POLR3A: variants seen among roughly 807,000 people sequenced by gnomAD.
POLR3A encodes DNA-directed RNA polymerase III subunit RPC1.
In POLR3A, 112 loss-of-function variants were observed where a neutral mutation model predicts 152.8. The observed-to-expected ratio is 0.73, with a 90% confidence interval of 0.63 to 0.86. The LOEUF is 0.86. Among genes scored for constraint, POLR3A ranks in the 40% least tolerant of loss-of-function variants. The pLI is 0.00. For missense variants in POLR3A, 1,385 were observed against 1,743.1 expected (o/e 0.79, Z 3.66); for synonymous variants, 615 against 652.1 (o/e 0.94, Z 0.87).
Position 78,013,746 on chromosome 10 carries a change from G to C in POLR3A, c.1476C>G (p.Val492=), listed in dbSNP as rs572418144. The C allele has an allele frequency of 6.2e-7, 1 of 1,614,016 alleles. No homozygotes were observed. Among genetic ancestry groups the C allele is most frequent in the Admixed American group, 1.7e-5 (1 of 60,010 alleles). The change falls in exon 11 of 31, where the codon GTC becomes GTG. Residue 492 remains valine, a synonymous_variant. Transcript: ENST00000372371. Reference sequence around the variant, plus strand: ...CAAAGTCAGCATTATAGGGTGTACAGACACACTCATTAAATCTGAAGGTCC... The same window carrying C: ...CAAAGTCAGCATTATAGGGTGTACACACACACTCATTAAATCTGAAGGTCC... ...PHRTFRFNEC[V]CTPYNADFDG...
At chr10:77,999,888 T>G in intron 19 of POLR3A, 93 bp downstream of exon 19, 1 of 1,260,740 alleles carries the variant, frequency 7.9e-7, no homozygotes, top group Non-Finnish European at 1.2e-6. Flanking sequence ...ACTAGATAAA[T>G]TACAGCTCAT....
At chr10:78,025,261 C>A in intron 3 of POLR3A, 119 bp from the exon 4 acceptor site, 1 of 1,044,248 alleles carries the variant, frequency 9.6e-7, no homozygotes, top group Non-Finnish European at 1.5e-6. Flanking sequence ...CACAGATCTG[C>A]AAATGGCTCT....
rs765706935 is a variant in POLR3A at position 78,025,028 on chromosome 10, T to G, written c.433A>C (p.Lys145Gln). The G allele has an allele frequency of 6.2e-7, 1 of 1,614,204 alleles. No individual in the cohort carries two copies. Among genetic ancestry groups the G allele is most frequent in the Admixed American group, 1.7e-5 (1 of 60,028 alleles). Residue 145 changes from lysine (K) to glutamine (Q), a missense_variant, in exon 4 of 31, where the codon AAA (lysine) becomes CAA (glutamine). Transcript: ENST00000372371. ...TYLQKRGLKK[K>Q]ISDKCRKKNI... ...TTCTTCCGGCACTTGTCAGAGATTT[T>G]CTTTTTCAGTCCTCGCTTCTGAAGG...
intron 19 of POLR3A, among the ~76,000 whole-genome samples, chr10:77,997,807 A>G (rs1224034106): frequency 1.3e-5 from 2 of 151,482 alleles, no homozygotes; most frequent in African/African-American, 4.9e-5. Context: ...AAACTACTTT[A>G]AAGTTCATAT....
intron 23 of POLR3A, 40 bp downstream of exon 23, chr10:77,985,863 T>C (rs1262206266): frequency 6.9e-7 from 1 of 1,446,634 alleles, no homozygotes; most frequent in Admixed American, 1.7e-5. Flanking sequence ...ACGTGAGACC[T>C]ATGTGGATGA....
intron 19 of POLR3A, among the ~76,000 whole-genome samples, 198 bp downstream of exon 19, chr10:77,999,783 T>C (rs1468852960): frequency 2.6e-5 from 4 of 152,212 alleles, no homozygotes; most frequent in Non-Finnish European, 5.9e-5. Flanking sequence ...GTCTTGATCA[T>C]CATAGGATGA....
chr10:77,984,217 G>T lies in POLR3A; in HGVS notation c.3324C>A (p.Thr1108=), dbSNP rs1343616714. 3.1e-6 allele frequency: 5 copies of T among 1,603,122 alleles called. No homozygotes were observed. The highest frequency in any genetic ancestry group is 1.1e-5 in the South Asian group (1 of 90,854). The part of the protein sequence containing the change: ...ARLVKGRIEK[T]LLGEISEYIE... ...GATTTCTTCTTACCTCTCCCAAGAG[G>T]GTTTTCTCAATTCTCCCTTTCACGA... The change falls in exon 25 of 31, where the codon ACC becomes ACA. Residue 1108 remains threonine (T), a synonymous_variant. Transcript: ENST00000372371.
intron 16 of POLR3A, among the ~76,000 whole-genome samples, chr10:78,004,132 G>A (rs1847386927): frequency 6.6e-6 from 1 of 151,992 alleles, no homozygotes; most frequent in Non-Finnish European, 1.5e-5. Flanking sequence ...TACTTGGGAG[G>A]GTGAGGCAGG....
In POLR3A at chr10:77,977,288, C is replaced by T; in HGVS notation, c.*190G>A. On this transcript the variant is annotated 3_prime_UTR_variant, in exon 31 of 31. Transcript: ENST00000372371. ...GCTCTCCCGAGCAGCGTGGCACAGT[C>T]AGGGTCACTGGTGTGAGCTGCACCC... 1 of 664,870 alleles carries T rather than the reference C, an allele frequency of 1.5e-6. No homozygotes were observed. The allele number at this position is 664,870 out of a possible 1,614,324, so 41.2% of individuals were successfully genotyped here.
At position 77,982,333 on chromosome 10, in the gene POLR3A, A is replaced by G; in HGVS notation, c.3595-15T>C. ...TGCACCACCACCTGGATTCAGAGAC[A>G]GAGAAAGCTGTGAGGACGGGGTGAG... On this transcript the variant is annotated splice_polypyrimidine_tract_variant and intron_variant, in intron 27 of 30. Transcript: ENST00000372371. The G allele has an allele frequency of 6.2e-7, 1 of 1,613,932 alleles. No homozygotes were observed. The highest frequency in any genetic ancestry group is 8.5e-7 in the Non-Finnish European group (1 of 1,179,834).
In POLR3A at chr10:77,981,659, G is replaced by A. The variant is rs1172594296; in HGVS notation, c.3760-100C>T. On this transcript the variant is annotated intron_variant, in intron 28 of 30. Transcript: ENST00000372371. ...GCCCTGCAGTTTCAAAGCAAACCCT[G>A]TGCCGTTTTCCAGAAATGGATTGCT... The A allele has an allele frequency of 1.2e-5, 17 of 1,429,700 alleles. No homozygotes were observed. In the East Asian group the frequency reaches 3.7e-4, roughly 31 times the overall value. The allele number at this position is 1,429,700 out of a possible 1,614,324, so 88.6% of individuals were successfully genotyped here.
chr10:77,978,037 C>A (rs1263172170), intron 30 of POLR3A, among the ~76,000 whole-genome samples: 17 of 152,206 alleles, frequency 1.1e-4, no homozygotes, highest in Admixed American at 1.1e-3. Context: ...AAGCAAACAA[C>A]TGGGACAGTA....
In POLR3A at chr10:78,007,798, T is replaced by C; in HGVS notation, c.1978A>G (p.Lys660Glu). The C allele has an allele frequency of 1.9e-6, 3 of 1,614,064 alleles. No homozygotes were observed. The highest frequency in any genetic ancestry group is 2.5e-6 in the Non-Finnish European group (3 of 1,179,904). ...AGCAAAATGTAAAAAATATTGTTCT[T>C]GGATCCTGACCCTAGGGTTCCTTTG... Reference protein sequence around the residue: ...MDKGTLGSGSKNNIFYILLRD... With the variant: ...MDKGTLGSGSENNIFYILLRD... Residue 660 changes from lysine (K) to glutamate (E), a missense_variant, in exon 15 of 31, where the codon AAG (lysine) becomes GAG (glutamate). Physicochemically the swap from Lys to Glu is moderately conservative, Grantham distance 56. This residue lies in a region of POLR3A where 188 missense variants were observed against 179.9 expected (regional missense o/e 1.04). Transcript: ENST00000372371.
chr10:78,007,207 T>C (rs537786211), intron 15 of POLR3A, among the ~76,000 whole-genome samples: 197 of 152,310 alleles, frequency 1.3e-3, no homozygotes, highest in African/African-American at 4.6e-3. Flanking sequence ...AATCTAAAAT[T>C]GTATACCCAG....
chr10:78,029,465 G>A lies in POLR3A; in HGVS notation c.-58C>T, dbSNP rs1847671126. ...CGGGAGGCCAGATTAGAGAAACGAT[G>A]CCCCCAGCACCTCCTGGGGCTGCTT... On this transcript the variant is annotated 5_prime_UTR_variant, in exon 1 of 31. Coordinates refer to ENST00000372371, the MANE Select transcript of POLR3A (RefSeq NM_007055.4). 6 of 1,578,782 alleles carry A rather than the reference G, an allele frequency of 3.8e-6. No homozygotes were observed. The South Asian group carries it at 4.4e-5, about 12-fold the overall frequency.
In POLR3A at chr10:78,021,911, C is replaced by T. The variant is rs1298162015; in HGVS notation, c.997G>A (p.Ala333Thr). 2.5e-6 allele frequency: 4 copies of T among 1,614,088 alleles called. No homozygotes were observed. The Admixed American group carries it at 6.7e-5, about 27-fold the overall frequency. ...SELSGIPLNM[A>T]PKKWTRGFVQ... ...AAGCCTCTGGTCCACTTCTTGGGTGCCATGTTGAGGGGAATGCCCGAGAGC... is the reference window on the plus strand; with the variant it reads ...AAGCCTCTGGTCCACTTCTTGGGTGTCATGTTGAGGGGAATGCCCGAGAGC... Residue 333 changes from alanine to threonine, a missense_variant, in exon 7 of 31, where the codon GCA becomes ACA. By Grantham distance (58) the Ala-to-Thr change is moderately conservative (BLOSUM62 0). Transcript: ENST00000372371.
chr10:77,982,920 C>A, intron 26 of POLR3A, 103 bp from the exon 27 acceptor site: 1 of 917,414 alleles, frequency 1.1e-6, no homozygotes, highest in East Asian at 2.5e-5. Flanking sequence ...TTGTTCTAAG[C>A]ACCCCCCACC....
chr10:77,999,578 C>T (rs1303602235), intron 19 of POLR3A, among the ~76,000 whole-genome samples: 1 of 152,128 alleles, frequency 6.6e-6, no homozygotes, highest in Non-Finnish European at 1.5e-5. Context: ...TGGAATAGGT[C>T]ATTAGAGTTA....
chr10:78,009,446 T>C, intron 14 of POLR3A, 91 bp downstream of exon 14: 1 of 1,561,714 alleles, frequency 6.4e-7, no homozygotes, highest in Non-Finnish European at 8.8e-7. Flanking sequence ...TGAATTTGCT[T>C]GCTTCGCGAA....
Sources: allele counts gnomAD v4.1 joint callset (sites outside exome capture counted in the v4.1 genomes callset), GRCh38; gene constraint gnomAD v4.1.1; regional missense constraint gnomAD v4.1.1; transcripts MANE v1.5; gene names NCBI Gene and HGNC (gene_info 2026-07-23, HGNC 2026-07-21).